Variants in PPRC1 observed in about 807,000 individuals in gnomAD.
The protein encoded by PPRC1 is PPARG related coactivator 1, also known as peroxisome proliferator-activated receptor gamma coactivator-related protein 1.
A neutral mutation model predicts 132.5 loss-of-function variants in PPRC1; 23 were observed. That is an observed-to-expected ratio of 0.17 (90% confidence interval 0.12 to 0.25). The LOEUF is 0.25. PPRC1 is among the 10% of genes least tolerant of loss of function. The pLI, the probability that PPRC1 is intolerant of heterozygous loss-of-function variation, is 1.00. For synonymous variants in PPRC1, 872 were observed against 833.5 expected (o/e 1.05, Z -0.80); for missense variants, 2,006 against 2,089.1 (o/e 0.96, Z 0.78).
At chr10:102,133,327 G>C in intron 1 of PPRC1, 106 bp downstream of exon 1, 5 of 1,027,742 alleles carry the variant, frequency 4.9e-6, no homozygotes, top group Non-Finnish European at 6.2e-6. Context: ...AGTCGATGCC[G>C]GGTGGCCGCG....
rs974427653 is a variant in PPRC1 at position 102,140,072 on chromosome 10, C to T, written c.1564C>T (p.Arg522Trp). 3.9e-5 allele frequency: 63 copies of T among 1,614,204 alleles called. No individual in the cohort carries two copies. Among genetic ancestry groups the T allele is most frequent in the Middle Eastern group, 1.6e-4 (1 of 6,062 alleles). ...GCCTCTCCAGGGTAAGGGGAAGCCCCGGGCTTGGGCTCGGGCCTGGGCAGC... is the reference window on the plus strand; with the variant it reads ...GCCTCTCCAGGGTAAGGGGAAGCCCTGGGCTTGGGCTCGGGCCTGGGCAGC... Reference protein sequence around the residue: ...SGPLQGKGKPRAWARAWAAAL... With the variant: ...SGPLQGKGKPWAWARAWAAAL... The change falls in exon 5 of 14, where the codon CGG becomes TGG. Residue 522 changes from arginine (R) to tryptophan (W), a missense_variant. By Grantham distance (101) the Arg-to-Trp change is moderately radical. Around this residue, in one of 2 missense-constraint regions of PPRC1, gnomAD observed 1,914 missense variants for 1,917.2 expected, o/e 1.00. Coordinates refer to ENST00000278070, the MANE Select transcript of PPRC1 (RefSeq NM_015062.5).
At chr10:102,136,889 G>A (rs553445083) in intron 1 of PPRC1, among the ~76,000 whole-genome samples, 6 of 152,278 alleles carry the variant, frequency 3.9e-5, no homozygotes, top group South Asian at 4.1e-4. Flanking sequence ...ACGAGAGGCC[G>A]TAAATGCTGC....
chr10:102,148,723 T>G lies in PPRC1; in HGVS notation c.4617+29T>G, dbSNP rs1370399969. 1.2e-6 allele frequency: 2 copies of G among 1,614,074 alleles called. No homozygotes were observed. The highest frequency in any genetic ancestry group is 2.2e-5 in the South Asian group (2 of 91,080). ...AGTAGAGGAACAGATCATGGGAGGA[T>G]GGGGCTTACCCCCTGAGCCTTGAGC... On this transcript the variant is annotated intron_variant, in intron 11 of 13. Coordinates refer to ENST00000278070, the MANE Select transcript of PPRC1 (RefSeq NM_015062.5). The surrounding 1 kb of genome is among the most constrained non-coding windows in gnomAD (Gnocchi z 4.2).
chr10:102,120,031 G>T, the PPRC1 span: 1 of 1,342,138 alleles, frequency 7.5e-7, no homozygotes, highest in Non-Finnish European at 1.0e-6. Flanking sequence ...CGGGGTGAGG[G>T]GTCCGCAGGG....
Position 102,150,030 on chromosome 10 carries a change from C to T in PPRC1, c.*1C>T, listed in dbSNP as rs376543001. ...GGCCCAGAAGAACCTCAGGAGGTAA[C>T]CTTGGGCCCTTCCCTGCTATCCTTT... On this transcript the variant is annotated 3_prime_UTR_variant, in exon 14 of 14. Coordinates refer to ENST00000278070, the MANE Select transcript of PPRC1 (RefSeq NM_015062.5). The T allele has an allele frequency of 3.1e-6, 5 of 1,600,534 alleles. No homozygotes were observed. The Admixed American group carries it at 6.7e-5, about 21-fold the overall frequency.
upstream of PPRC1, among the ~76,000 whole-genome samples, chr10:102,128,024 C>A (rs368699491): frequency 7.9e-5 from 12 of 152,276 alleles, no homozygotes; most frequent in East Asian, 9.6e-4. Context: ...AGTCAAATGG[C>A]CAGCCAGGAT....
the PPRC1 span, among the ~76,000 whole-genome samples, chr10:102,127,578 T>C: frequency 5.3e-5 from 8 of 151,554 alleles, no homozygotes; most frequent in East Asian, 7.9e-4. Context: ...GGCTAATTTT[T>C]TGTATTTTTA....
chr10:102,123,208 A>G, the PPRC1 span, among the ~76,000 whole-genome samples: 3 of 152,216 alleles, frequency 2.0e-5, no homozygotes, highest in Non-Finnish European at 4.4e-5. Flanking sequence ...AAGGTAACAG[A>G]GCTAACAAGC....
At chr10:102,133,386 C>G (rs1258506025) in intron 1 of PPRC1, among the ~76,000 whole-genome samples, 165 bp downstream of exon 1, 1 of 151,986 alleles carries the variant, frequency 6.6e-6, no homozygotes, top group African/African-American at 2.4e-5. Context: ...TGGGGGTAGG[C>G]GGGCAGAGGC....
chr10:102,147,214 G>T lies in PPRC1; in HGVS notation c.4222G>T (p.Ala1408Ser), dbSNP rs759942837. ...GCGGTCAATGCGCTGTTACCGAAAAGCCTGCAGGTCAGCCAGCCCCTCAAG... is the reference window on the plus strand; with the variant it reads ...GCGGTCAATGCGCTGTTACCGAAAATCCTGCAGGTCAGCCAGCCCCTCAAG... ...KQRSMRCYRKACRSASPSSQG... is the reference protein window; with the variant it reads ...KQRSMRCYRKSCRSASPSSQG... Residue 1408 changes from alanine (A) to serine (S), a missense_variant, in exon 9 of 14, where the codon GCC becomes TCC. Coordinates refer to ENST00000278070, the MANE Select transcript of PPRC1 (RefSeq NM_015062.5). The T allele has an allele frequency of 1.2e-5, 19 of 1,613,424 alleles. No homozygotes were observed. The Admixed American group carries it at 3.0e-4, about 25-fold the overall frequency.
At chr10:102,134,455 C>T (rs1188137294) in intron 1 of PPRC1, among the ~76,000 whole-genome samples, 2 of 152,146 alleles carry the variant, frequency 1.3e-5, no homozygotes, top group Non-Finnish European at 2.9e-5. Context: ...AGTTTCCACC[C>T]AGGGTAGAAG....
chr10:102,129,439 T>C (rs2068510133), upstream of PPRC1, among the ~76,000 whole-genome samples: 1 of 152,144 alleles, frequency 6.6e-6, no homozygotes, highest in Admixed American at 6.5e-5. Context: ...ATATTACCTT[T>C]TTTGAGTAGA....
At chr10:102,149,055 G>A in intron 12 of PPRC1, 117 bp downstream of exon 12, 3 of 1,530,612 alleles carry the variant, frequency 2.0e-6, no homozygotes, top group Non-Finnish European at 2.6e-6. Flanking sequence ...CTTCATTTCT[G>A]CAGTCAGAGG....
At position 102,139,206 on chromosome 10, in the gene PPRC1, G is replaced by A. The variant is rs2068843334; in HGVS notation, c.698G>A (p.Arg233His). 2 of 1,614,112 alleles carry A rather than the reference G, an allele frequency of 1.2e-6. No homozygotes were observed. The highest frequency in any genetic ancestry group is 8.5e-7 in the Non-Finnish European group (1 of 1,180,014). Residue 233 changes from arginine to histidine, a missense_variant, in exon 5 of 14, where the codon CGC becomes CAC. Coordinates refer to ENST00000278070, the MANE Select transcript of PPRC1 (RefSeq NM_015062.5). ...TGGAGACCCCCAAGATCAAGACCAC[G>A]CTGGGGCCAATCCCCACCTCCCCAG... ...PSWRPPRSRP[R>H]WGQSPPPQQR...
chr10:102,146,937 A>G lies in PPRC1; in HGVS notation c.3945A>G (p.Pro1315=). The G allele has an allele frequency of 6.2e-7, 1 of 1,614,114 alleles. No homozygotes were observed. The highest frequency in any genetic ancestry group is 8.5e-7 in the Non-Finnish European group (1 of 1,180,010). ...PPKKMPALVI[P]EVGSRWNVKR... ...AAAAGATGCCTGCCCTAGTCATTCC[A>G]GAGGTGGGCTCCCGATGGAATGTCA... Residue 1315 remains proline, a synonymous_variant, in exon 9 of 14, where the codon CCA becomes CCG. Coordinates refer to ENST00000278070, the MANE Select transcript of PPRC1 (RefSeq NM_015062.5).
chr10:102,144,784 TG>T (rs1001375493), intron 7 of PPRC1: 8 of 541,610 alleles, frequency 1.5e-5, no homozygotes, highest in African/African-American at 5.7e-5. Flanking sequence ...GTGAAGGAGG[TG>T]GGGGGTATTC....
At chr10:102,134,259 G>T (rs1290500023) in intron 1 of PPRC1, among the ~76,000 whole-genome samples, 1 of 152,116 alleles carries the variant, frequency 6.6e-6, no homozygotes, top group Non-Finnish European at 1.5e-5. Flanking sequence ...GCAGAAACTG[G>T]GGTGGTCCGT....
intron 4 of PPRC1, 33 bp downstream of exon 4, chr10:102,139,013 C>G: frequency 6.2e-7 from 1 of 1,605,188 alleles, no homozygotes; most frequent in East Asian, 2.2e-5. Context: ...CAGAAACTCC[C>G]AGGTGGGAGG....
the PPRC1 span, among the ~76,000 whole-genome samples, chr10:102,125,010 T>C: frequency 2.0e-5 from 3 of 152,060 alleles, no homozygotes; most frequent in African/African-American, 7.2e-5. Context: ...CTCGGACTCC[T>C]GGGCTCAAGC....
Sources: gnomAD v4.1 joint callset for allele counts (sites outside exome capture counted in the v4.1 genomes callset) on GRCh38, gnomAD v4.1.1 for gene constraint, gnomAD v4.1.1 regional missense constraint, Gnocchi (gnomAD v3.1) non-coding constraint, MANE v1.5 for transcripts, NCBI Gene and HGNC (gene_info 2026-07-23, HGNC 2026-07-21) for gene names.